Variants in DLG2 observed in about 807,000 individuals in gnomAD.
DLG2 encodes discs large MAGUK scaffold protein 2.
A neutral mutation model predicts 132.5 loss-of-function variants in DLG2; 45 were observed. That is an observed-to-expected ratio of 0.34 (90% CI 0.27 to 0.44). The LOEUF is 0.44. Among genes scored for constraint, DLG2 ranks in the 20% least tolerant of loss-of-function variants. DLG2 has a pLI of 1.00. For synonymous variants in DLG2, 424 were observed against 419.6 expected, an observed-to-expected ratio of 1.01 and a Z score of -0.13; for missense variants, 1,045 against 1,196.9, an observed-to-expected ratio of 0.87 and a Z score of 1.87.
chr11:84,098,390 C>A (rs530186914), intron 10 of DLG2, among the ~76,000 whole-genome samples: 5 of 152,138 alleles, frequency 3.3e-5, no homozygotes, highest in Admixed American at 2.6e-4. Context: ...TTCTGAGGGA[C>A]AACTTGTTCT....
At chr11:83,884,194 G>C (rs2067118857) in intron 15 of DLG2, among the ~76,000 whole-genome samples, 1 of 152,220 alleles carries the variant, frequency 6.6e-6, no homozygotes, top group Non-Finnish European at 1.5e-5. Context: ...CCTAGTCAAA[G>C]AAAGGGGTGA....
intron 6 of DLG2, among the ~76,000 whole-genome samples, chr11:84,689,241 G>A (rs372133158): frequency 2.0e-5 from 3 of 152,114 alleles, no homozygotes; most frequent in African/African-American, 7.2e-5. Context: ...AGTATTTCTG[G>A]AGGTAAAATG....
intron 7 of DLG2, among the ~76,000 whole-genome samples, chr11:84,307,219 T>A (rs968707997): frequency 1.3e-5 from 2 of 151,808 alleles, no homozygotes; most frequent in Non-Finnish European, 2.9e-5. Flanking sequence ...CAGCTGGAGG[T>A]CATTATCCTA....
rs2093665797 is a variant in DLG2 at position 83,756,787 on chromosome 11, T to A, written c.1825+29903A>T. On this transcript the variant is annotated intron_variant, in intron 18 of 27. Coordinates refer to ENST00000376104, the MANE Select transcript of DLG2 (RefSeq NM_001142699.3). The stretch of plus-strand genomic sequence containing the variant: ...TGTTACTGGGGATTATTACATAGAG[T>A]TAGCAGTCTTAGGGAGTCTTGGAGT... Among the ~76,000 whole-genome samples, 3 of 146,936 alleles carry A rather than the reference T, an allele frequency of 2.0e-5. 1 individual carries two copies. The highest frequency in any genetic ancestry group is 8.2e-5 in the African/African-American group (3 of 36,440).
At chr11:85,022,968 T>G (rs2060210567) in intron 6 of DLG2, among the ~76,000 whole-genome samples, 2 of 152,112 alleles carry the variant, frequency 1.3e-5, no homozygotes, top group South Asian at 4.1e-4. Context: ...AAGGATTGAT[T>G]GCACTTAATG....
chr11:85,606,392 A>C lies in DLG2; in HGVS notation c.-92-7604T>G, dbSNP rs185783500. ...CCAATCAGTGCTCTGTGTCTAGCTA[A>C]AGGATTGTAAATGCACCAATCAGTG... On this transcript the variant is annotated intron_variant, in intron 2 of 27. Transcript: ENST00000376104. 8.7e-3 allele frequency among the ~76,000 whole-genome samples: 1,328 copies of C among 152,298 alleles called. 26 individuals are homozygous for C. The highest frequency in any genetic ancestry group is 0.031 in the African/African-American group (1,282 of 41,554).
intron 16 of DLG2, among the ~76,000 whole-genome samples, chr11:83,842,861 T>G (rs1433447628): frequency 6.6e-6 from 1 of 150,738 alleles, no homozygotes; most frequent in Non-Finnish European, 1.5e-5. Flanking sequence ...TACACTGAAG[T>G]CTTTCTCATG....
chr11:83,622,103 T>C (rs1349648839), intron 19 of DLG2, among the ~76,000 whole-genome samples: 2 of 152,044 alleles, frequency 1.3e-5, no homozygotes, highest in South Asian at 2.1e-4. Context: ...TTTTGTTTTG[T>C]TTTTGGTAGA....
intron 9 of DLG2, among the ~76,000 whole-genome samples, chr11:84,119,811 C>T (rs2093819682): frequency 6.6e-6 from 1 of 152,136 alleles, no homozygotes; most frequent in African/African-American, 2.4e-5. Flanking sequence ...TAAGGCCCAA[C>T]TTAGAAGCTA....
intron 3 of DLG2, among the ~76,000 whole-genome samples, chr11:85,591,699 G>C (rs1413854055): frequency 1.3e-5 from 2 of 152,158 alleles, no homozygotes; most frequent in African/African-American, 4.8e-5. Flanking sequence ...CAAAGATCAA[G>C]CCACTGCACT....
intron 6 of DLG2, among the ~76,000 whole-genome samples, chr11:84,948,058 G>C (rs1004704069): frequency 6.6e-6 from 1 of 152,196 alleles, no homozygotes; most frequent in African/African-American, 2.4e-5. Flanking sequence ...TTGTATCAGA[G>C]TTTTTCTGAT....
chr11:83,928,602 T>G (rs1009441902), intron 15 of DLG2, among the ~76,000 whole-genome samples: 4 of 152,012 alleles, frequency 2.6e-5, no homozygotes, highest in African/African-American at 4.8e-5. Context: ...GGGGGGAAAT[T>G]TTTTTCCAGT....
intron 4 of DLG2, among the ~76,000 whole-genome samples, chr11:85,277,205 T>A (rs1040322877): frequency 5.9e-5 from 9 of 152,154 alleles, no homozygotes; most frequent in Admixed American, 4.6e-4. Flanking sequence ...ACTGTTAGCC[T>A]AGGGAGGTAG....
rs1255366817 is a variant in DLG2 at position 84,394,454 on chromosome 11, T to A, written c.519+140116A>T. ...TGAGATATACACTGCCCTCTCTGCATCCCTCCCTCTCAGCCACCTTACCAC... is the reference window on the plus strand; with the variant it reads ...TGAGATATACACTGCCCTCTCTGCAACCCTCCCTCTCAGCCACCTTACCAC... On this transcript the variant is annotated intron_variant, in intron 7 of 27. Coordinates refer to ENST00000376104, the MANE Select transcript of DLG2 (RefSeq NM_001142699.3). 2.6e-5 allele frequency among the ~76,000 whole-genome samples: 4 copies of A among 151,984 alleles called. 1 individual carries two copies. Among genetic ancestry groups the A allele is most frequent in the South Asian group, 2.1e-4 (1 of 4,814 alleles).
At chr11:84,916,219 G>A (rs926533780) in intron 6 of DLG2, among the ~76,000 whole-genome samples, 1 of 150,110 alleles carries the variant, frequency 6.7e-6, no homozygotes, top group African/African-American at 2.4e-5. Context: ...CGTAGTGGCG[G>A]GCGCCTGTAG....
At chr11:84,797,244 T>C (rs1386518432) in intron 6 of DLG2, among the ~76,000 whole-genome samples, 1 of 152,178 alleles carries the variant, frequency 6.6e-6, no homozygotes, top group Non-Finnish European at 1.5e-5. Context: ...TCTGTAACCT[T>C]CTAGGACTTG....
At chr11:84,489,837 T>C (rs1279721260) in intron 7 of DLG2, among the ~76,000 whole-genome samples, 2 of 151,872 alleles carry the variant, frequency 1.3e-5, no homozygotes, top group African/African-American at 4.8e-5. Flanking sequence ...ATATATTCTA[T>C]CATGTCTTGG....
At chr11:84,670,818 A>C (rs1316911627) in intron 6 of DLG2, among the ~76,000 whole-genome samples, 2 of 151,156 alleles carry the variant, frequency 1.3e-5, no homozygotes, top group Admixed American at 6.6e-5. Context: ...CTGTGGACTC[A>C]TAGTCCAAAG....
At chr11:83,940,434 A>C (rs1169818335) in intron 14 of DLG2, among the ~76,000 whole-genome samples, 3 of 152,148 alleles carry the variant, frequency 2.0e-5, no homozygotes, top group Non-Finnish European at 4.4e-5. Flanking sequence ...TGCTTTATAT[A>C]CCCGATGTTA....
Sources: allele counts gnomAD v4.1 joint callset (sites outside exome capture counted in the v4.1 genomes callset), GRCh38; gene constraint gnomAD v4.1.1; transcripts MANE v1.5; gene names NCBI Gene and HGNC (gene_info 2026-07-23, HGNC 2026-07-21).